KIF21A: variants seen among roughly 807,000 people sequenced by gnomAD.
The protein encoded by KIF21A is kinesin-like protein KIF21A.
A neutral mutation model predicts 202.9 loss-of-function variants in KIF21A; 114 were observed. The ratio of observed to expected loss-of-function variants is 0.56; its 90% CI spans 0.48 to 0.66. KIF21A has a LOEUF of 0.66. Among genes scored for constraint, KIF21A ranks in the 30% least tolerant of loss-of-function variants. The pLI, the probability that KIF21A is intolerant of heterozygous loss-of-function variation, is 0.00. For missense variants in KIF21A, 1,677 were observed against 1,994.9 expected (o/e 0.84, Z 3.04); for synonymous variants, 667 against 670.8 (o/e 0.99, Z 0.09).
chr12:39,367,339 T>C (rs933256437), intron 4 of KIF21A, among the ~76,000 whole-genome samples, 175 bp from the exon 5 acceptor site: 1 of 152,156 alleles, frequency 6.6e-6, no homozygotes, highest in Non-Finnish European at 1.5e-5. Flanking sequence ...AGTATAATAG[T>C]GTATTATTTT....
chr12:39,388,282 C>T (rs1951092897), intron 1 of KIF21A, among the ~76,000 whole-genome samples: 1 of 152,180 alleles, frequency 6.6e-6, no homozygotes, highest in African/African-American at 2.4e-5. Context: ...CTTCCTCTCT[C>T]ACCATGTAAT....
At chr12:39,418,259 A>G (rs1953948294) in intron 1 of KIF21A, among the ~76,000 whole-genome samples, 1 of 152,096 alleles carries the variant, frequency 6.6e-6, no homozygotes, top group Admixed American at 6.6e-5. Context: ...TTGATTTTGT[A>G]AGGTCTAATC....
In KIF21A at chr12:39,311,540, G is replaced by C. The variant is rs1410743282; in HGVS notation, c.3973C>G (p.Pro1325Ala). The stretch of plus-strand genomic sequence containing the variant: ...CTGATTCCTTTTGAAGCAGGAAATG[G>C]GTTGATTATGCCCCTAAGGTGGGGA... The part of the protein sequence containing the change: ...HRSSRRGIIN[P>A]FPASKGIRAF... Residue 1325 changes from proline to alanine, a missense_variant, in exon 32 of 38, where the codon CCA (proline) becomes GCA (alanine). Transcript: ENST00000361418. The C allele has an allele frequency of 6.2e-7, 1 of 1,612,806 alleles. No individual in the cohort carries two copies. Among genetic ancestry groups the C allele is most frequent in the Non-Finnish European group, 8.5e-7 (1 of 1,179,066 alleles).
chr12:39,436,808 ATAGT>A (rs1938863928), intron 1 of KIF21A, among the ~76,000 whole-genome samples: 1 of 152,164 alleles, frequency 6.6e-6, no homozygotes, highest in Middle Eastern at 3.2e-3. Context: ...AGAAGATTAA[ATAGT>A]TAATCCATTG....
chr12:39,363,262 T>A, intron 6 of KIF21A, 49 bp from the exon 7 acceptor site: 1 of 1,057,936 alleles, frequency 9.5e-7, no homozygotes, highest in Non-Finnish European at 1.5e-6. Flanking sequence ...ATTTACTAAT[T>A]ATAACAATTT....
chr12:39,325,498 A>ATTTTT (rs397714587), intron 26 of KIF21A, among the ~76,000 whole-genome samples: 1,560 of 121,358 alleles, frequency 0.013, 26 homozygotes, highest in African/African-American at 0.036. Flanking sequence ...CGCCCAGCTA[A>ATTTTT]TTTTTTTTTT....
rs1018223613 is a variant in KIF21A, at chr12:39,367,930, T to C, written c.553A>G (p.Ile185Val). ...IRIHEDSTGG[I>V]YTVGVTTRTV... The stretch of plus-strand genomic sequence containing the variant: ...CGTGTTGTAACGCCCACAGTATAAA[T>C]TCCTCCAGTTGAATCTTCATGAATT... The change falls in exon 4 of 38, where the codon ATT becomes GTT. Residue 185 changes from isoleucine (I) to valine (V), a missense_variant. Physicochemically the swap from Ile to Val is conservative, Grantham distance 29. Transcript: ENST00000361418. The C allele has an allele frequency of 7.5e-6, 12 of 1,609,020 alleles. No homozygotes were observed. Among genetic ancestry groups the C allele is most frequent in the Non-Finnish European group, 1.0e-5 (12 of 1,175,740 alleles).
chr12:39,385,968 A>T (rs904035839), intron 1 of KIF21A, among the ~76,000 whole-genome samples: 3 of 152,112 alleles, frequency 2.0e-5, no homozygotes, highest in African/African-American at 7.2e-5. Context: ...CCCACCCAAT[A>T]ATTAATTTTC....
Position 39,363,109 on chromosome 12 carries a change from G to A in KIF21A, c.1008C>T (p.Leu336=), listed in dbSNP as rs771660427. ...TCATCTATGCATACCTATTACCCCC[G>A]AGGGAATCCTGTAGTAGTCTTGTTA... ...SKLTRLLQDS[L]GGNSQTIMIA... The change falls in exon 7 of 38, where the codon CTC becomes CTT. Residue 336 remains leucine (L), a synonymous_variant. Coordinates refer to ENST00000361418, the MANE Select transcript of KIF21A (RefSeq NM_001173464.2). The A allele has an allele frequency of 2.8e-5, 45 of 1,599,334 alleles. No individual in the cohort carries two copies. The highest frequency in any genetic ancestry group is 1.5e-4 in the South Asian group (14 of 90,744).
intron 35 of KIF21A, among the ~76,000 whole-genome samples, chr12:39,304,493 T>G (rs1460006496): frequency 6.6e-6 from 1 of 152,242 alleles, no homozygotes; most frequent in African/African-American, 2.4e-5. Context: ...CATCTTTCCT[T>G]ACCTTATCTG....
chr12:39,421,744 C>T (rs1414965073), intron 1 of KIF21A, among the ~76,000 whole-genome samples: 2 of 130,828 alleles, frequency 1.5e-5, no homozygotes, highest in South Asian at 2.7e-4. Flanking sequence ...TATATATATA[C>T]ACATACACAC....
At chr12:39,375,239 T>C (rs1950197745) in intron 1 of KIF21A, among the ~76,000 whole-genome samples, 1 of 152,192 alleles carries the variant, frequency 6.6e-6, no homozygotes, top group African/African-American at 2.4e-5. Context: ...AAATAAAGTA[T>C]TTTGGGGGAA....
At chr12:39,330,185 A>T in intron 24 of KIF21A, 57 bp downstream of exon 24, 1 of 1,497,376 alleles carries the variant, frequency 6.7e-7, no homozygotes. Context: ...ATTAGTGTAC[A>T]TGAACAATTA....
At position 39,294,406 on chromosome 12, in the gene KIF21A, A is replaced by C; in HGVS notation, c.*18T>G. On this transcript the variant is annotated 3_prime_UTR_variant, in exon 38 of 38. Transcript: ENST00000361418. ...GTATTATCACAGCATTCAGTTTACAACCTATCTTCATTCATGTTTAATTAC... is the reference window on the plus strand; with the variant it reads ...GTATTATCACAGCATTCAGTTTACACCCTATCTTCATTCATGTTTAATTAC... 1 of 1,553,842 alleles carries C rather than the reference A, an allele frequency of 6.4e-7. No homozygotes were observed. The highest frequency in any genetic ancestry group is 8.9e-7 in the Non-Finnish European group (1 of 1,125,210).
chr12:39,333,433 G>A (rs925265646), intron 17 of KIF21A, among the ~76,000 whole-genome samples, 153 bp from the exon 18 acceptor site: 4 of 152,088 alleles, frequency 2.6e-5, no homozygotes, highest in Non-Finnish European at 5.9e-5. Flanking sequence ...TACAGGTACA[G>A]CTATTTTATT....
At chr12:39,417,166 A>T (rs973239592) in intron 1 of KIF21A, among the ~76,000 whole-genome samples, 5 of 151,180 alleles carry the variant, frequency 3.3e-5, no homozygotes, top group African/African-American at 1.2e-4. Context: ...AGGGGTACAT[A>T]AAAAAAAAGA....
intron 1 of KIF21A, among the ~76,000 whole-genome samples, chr12:39,401,230 T>A (rs527633323): frequency 6.6e-6 from 1 of 152,208 alleles, no homozygotes; most frequent in South Asian, 2.1e-4. Context: ...CAGTATATAG[T>A]AAGCAAGGAA....
At chr12:39,385,749 T>C (rs1415007726) in intron 1 of KIF21A, among the ~76,000 whole-genome samples, 1 of 152,184 alleles carries the variant, frequency 6.6e-6, no homozygotes, top group African/African-American at 2.4e-5. Flanking sequence ...CTGTACTTTA[T>C]ACCTCATTAA....
intron 1 of KIF21A, among the ~76,000 whole-genome samples, chr12:39,386,281 T>G (rs1279331054): frequency 6.6e-6 from 1 of 151,838 alleles, no homozygotes; most frequent in Non-Finnish European, 1.5e-5. Flanking sequence ...TGCAGAGCGG[T>G]CAGGGTGCAC....
Sources: allele counts gnomAD v4.1 joint callset (sites outside exome capture counted in the v4.1 genomes callset), GRCh38; gene constraint gnomAD v4.1.1; transcripts MANE v1.5; gene names NCBI Gene and HGNC (gene_info 2026-07-23, HGNC 2026-07-21).